The following RCL1 variants were observed in gnomAD, a reference collection of about 807,000 sequenced individuals.
RCL1 encodes RNA terminal phosphate cyclase like 1, also known as RNA 3'-terminal phosphate cyclase-like protein.
Under a neutral mutation model 42.4 loss-of-function variants are expected in RCL1, and 24 were observed. That is an observed-to-expected ratio of 0.57 (90% CI 0.41 to 0.80). RCL1 has a LOEUF of 0.80. Ranked by LOEUF, RCL1 falls within the 30% of genes least tolerant of loss-of-function variation. The pLI is 0.00. For missense variants in RCL1, 578 were observed against 467.9 expected, an observed-to-expected ratio of 1.24 and a Z score of -2.17; for synonymous variants, 228 against 177.3, an observed-to-expected ratio of 1.29 and a Z score of -2.27.
chr9:4,802,901 A>G (rs1050718477), intron 1 of RCL1, among the ~76,000 whole-genome samples: 1 of 152,180 alleles, frequency 6.6e-6, no homozygotes, highest in African/African-American at 2.4e-5. Context: ...GCCTACTGCA[A>G]CCTTGAATTC....
chr9:4,837,914 C>G (rs192707902), intron 5 of RCL1, among the ~76,000 whole-genome samples: 1 of 152,134 alleles, frequency 6.6e-6, no homozygotes, highest in Admixed American at 6.6e-5. Context: ...TCCTGGCTCC[C>G]CAGGAGAGTT....
Position 4,841,164 on chromosome 9 carries a change from A to T in RCL1, c.585-68A>T, listed in dbSNP as rs1434995632. 14 of 1,586,478 alleles carry T rather than the reference A, an allele frequency of 8.8e-6. No homozygotes were observed. In the Admixed American group the frequency reaches 2.4e-4, roughly 27 times the overall value. ...TACTACAGTTCCACAAATACTTGCC[A>T]GCTTTATAACTGATTTTTCTCTGTC... On this transcript the variant is annotated intron_variant, in intron 5 of 8. Transcript: ENST00000381750.
chr9:4,855,523 G>A (rs1338031779), intron 8 of RCL1, among the ~76,000 whole-genome samples: 1 of 152,178 alleles, frequency 6.6e-6, no homozygotes. Flanking sequence ...GCAGGACGTG[G>A]ATCAGCACTG....
intron 5 of RCL1, 27 bp downstream of exon 5, chr9:4,834,292 T>C: frequency 9.4e-7 from 1 of 1,061,326 alleles, no homozygotes. Flanking sequence ...TTTGGATTTC[T>C]TTTTTTTTTG....
At chr9:4,796,179 C>G (rs1445413727) in intron 1 of RCL1, among the ~76,000 whole-genome samples, 1 of 152,018 alleles carries the variant, frequency 6.6e-6, no homozygotes, top group Non-Finnish European at 1.5e-5. Context: ...TCTGGTGTAC[C>G]CATTATCCAA....
intron 8 of RCL1, among the ~76,000 whole-genome samples, chr9:4,857,359 A>G (rs986179262): frequency 6.6e-6 from 1 of 151,974 alleles, no homozygotes; most frequent in Non-Finnish European, 1.5e-5. Flanking sequence ...AGAATCATAC[A>G]CTATCTGGTC....
intron 1 of RCL1, among the ~76,000 whole-genome samples, chr9:4,815,864 G>T (rs1359704861): frequency 6.6e-6 from 1 of 152,028 alleles, no homozygotes; most frequent in Non-Finnish European, 1.5e-5. Flanking sequence ...GATAGGGATC[G>T]CTAGGATCCT....
rs1818028769 is a variant in RCL1 at position 4,858,179 on chromosome 9, C to T, written c.972-1946C>T. Among the ~76,000 whole-genome samples, 3 of 151,984 alleles carry T rather than the reference C, an allele frequency of 2.0e-5. No individual in the cohort carries two copies. The South Asian group carries it at 6.2e-4, about 32-fold the overall frequency. On this transcript the variant is annotated intron_variant, in intron 8 of 8. Coordinates refer to ENST00000381750, the MANE Select transcript of RCL1 (RefSeq NM_005772.5). ...GTGTGAGGTACCATGCCTGTACTCT[C>T]CCATCGTTTAATTAGGTTATTTGTC...
intron 6 of RCL1, among the ~76,000 whole-genome samples, chr9:4,842,775 G>C (rs903920238): frequency 6.6e-6 from 1 of 152,110 alleles, no homozygotes; most frequent in African/African-American, 2.4e-5. Context: ...CTGGAGAAAG[G>C]GGATTTCCGA....
Position 4,797,703 on chromosome 9 carries a change from C to T in RCL1, c.136+4476C>T, listed in dbSNP as rs1842934998. Among the ~76,000 whole-genome samples, 5 of 152,304 alleles carry T rather than the reference C, an allele frequency of 3.3e-5. No homozygotes were observed. In the South Asian group the frequency reaches 1.0e-3, roughly 32 times the overall value. On this transcript the variant is annotated intron_variant, in intron 1 of 8. Transcript: ENST00000381750. ...GTAGTAATTAAACCTTTTCTTTTCC[C>T]TGTATCCCTAATGATTAGGAATAGC...
Position 4,834,133 on chromosome 9 carries a change from C to T in RCL1, c.460-8C>T, listed in dbSNP as rs139261340. 1.2e-4 allele frequency: 195 copies of T among 1,611,948 alleles called. No homozygotes were observed. The East Asian group carries it at 3.0e-3, about 25-fold the overall frequency. On this transcript the variant is annotated splice_polypyrimidine_tract_variant and splice_region_variant and intron_variant, in intron 4 of 8. Coordinates refer to ENST00000381750, the MANE Select transcript of RCL1 (RefSeq NM_005772.5). ...ATCCTCGCCTCATCTTTCTCACTCTCTGTGTAGATTGTGCGACGGGGAATG... is the reference window on the plus strand; with the variant it reads ...ATCCTCGCCTCATCTTTCTCACTCTTTGTGTAGATTGTGCGACGGGGAATG...
At chr9:4,857,931 C>CTTTTTTTTTTTTTTTTTTTTTTTTTTT (rs34470773) in intron 8 of RCL1, among the ~76,000 whole-genome samples, 3 of 103,036 alleles carry the variant, frequency 2.9e-5, no homozygotes, top group African/African-American at 1.2e-4. Flanking sequence ...AGCTCTCCCA[C>CTTTTTTTTTTTTTTTTTTTTTTTTTTT]TTTTTTTTTT....
At chr9:4,832,013 C>G (rs190132222) in intron 3 of RCL1, among the ~76,000 whole-genome samples, 1 of 152,090 alleles carries the variant, frequency 6.6e-6, no homozygotes, top group African/African-American at 2.4e-5. Context: ...GCCCTCCCTG[C>G]CAGCTGACAG....
intron 1 of RCL1, among the ~76,000 whole-genome samples, chr9:4,806,439 A>G (rs1264916294): frequency 2.0e-5 from 3 of 152,086 alleles, no homozygotes; most frequent in Non-Finnish European, 4.4e-5. Context: ...ACAATGAATG[A>G]GTGTTGTATT....
chr9:4,828,255 A>G (rs1184467538), intron 3 of RCL1, among the ~76,000 whole-genome samples: 1 of 152,118 alleles, frequency 6.6e-6, no homozygotes, highest in Admixed American at 6.5e-5. Context: ...GCCAAGACCA[A>G]TGAATGGATA....
chr9:4,825,713 T>G (rs917373518), intron 2 of RCL1, among the ~76,000 whole-genome samples: 2 of 152,202 alleles, frequency 1.3e-5, no homozygotes, highest in Admixed American at 6.5e-5. Context: ...TCATTTACAG[T>G]TTTTTACATT....
intron 5 of RCL1, among the ~76,000 whole-genome samples, chr9:4,838,375 C>A (rs907512918): frequency 6.6e-6 from 1 of 152,214 alleles, no homozygotes. Context: ...CTCTTTCTCA[C>A]CCCTGCCTTA....
At chr9:4,793,961 C>T (rs1333040202) in intron 1 of RCL1, among the ~76,000 whole-genome samples, 2 of 152,140 alleles carry the variant, frequency 1.3e-5, no homozygotes, top group African/African-American at 2.4e-5. Context: ...AGAAATAGGC[C>T]CATTTAAACC....
At chr9:4,851,968 C>T (rs549876844) in intron 8 of RCL1, among the ~76,000 whole-genome samples, 18 of 147,364 alleles carry the variant, frequency 1.2e-4, no homozygotes, top group African/African-American at 4.3e-4. Context: ...GCAAGCTCCG[C>T]CTCCCGGGTT....
Sources: allele counts gnomAD v4.1 joint callset (sites outside exome capture counted in the v4.1 genomes callset), GRCh38; gene constraint gnomAD v4.1.1; transcripts MANE v1.5; gene names NCBI Gene and HGNC (gene_info 2026-07-23, HGNC 2026-07-21).